ID3: variants seen among roughly 807,000 people sequenced by gnomAD.
ID3 encodes inhibitor of DNA binding 3, also known as DNA-binding protein inhibitor ID-3.
ID3 carries 4 observed loss-of-function variants against 9.6 expected under a neutral mutation model. The ratio of observed to expected loss-of-function variants is 0.42; its 90% confidence interval spans 0.21 to 0.96. The LOEUF is 0.96. Ranked by LOEUF, ID3 falls within the 40% of genes least tolerant of loss-of-function variation. The pLI is 0.30. For synonymous variants in ID3, 108 were observed against 75.2 expected (o/e 1.44, Z -2.26); for missense variants, 191 against 164.5 (o/e 1.16, Z -0.88).
At position 23,559,362 on chromosome 1, in the gene ID3, A is replaced by G. The variant is rs41268121; in HGVS notation, c.65T>C (p.Leu22Pro). The change falls in exon 1 of 3, where the codon CTG (leucine) becomes CCG (proline). Residue 22 changes from leucine to proline, a missense_variant. Coordinates refer to ENST00000374561, the MANE Select transcript of ID3 (RefSeq NM_002167.5). ...CTTCCCTCGGCCCCGGGCGATGGCC[A>G]GACTGCGTTCCGACAGGCAGCACAC... The part of the protein sequence containing the change: ...EAVCCLSERS[L>P]AIARGRGKGP... 1.3e-3 allele frequency: 2,127 copies of G among 1,613,274 alleles called. 2 individuals are homozygous for G. Among genetic ancestry groups the G allele is most frequent in the Non-Finnish European group, 1.7e-3 (2,034 of 1,180,006 alleles).
At position 23,559,226 on chromosome 1, in the gene ID3, C is replaced by A; in HGVS notation, c.201G>T (p.Val67=). The change falls in exon 1 of 3, where the codon GTG becomes GTT. Residue 67 remains valine (V), a synonymous_variant. Transcript: ENST00000374561. Reference sequence around the variant, plus strand: ...AGTCGATGACGCGCTGTAGGATTTCCACCTGGCTAAGCTGAGTGCCTCTCG... The same window carrying A: ...AGTCGATGACGCGCTGTAGGATTTCAACCTGGCTAAGCTGAGTGCCTCTCG... ...GVPRGTQLSQ[V]EILQRVIDYI... 1 of 1,614,226 alleles carries A rather than the reference C, an allele frequency of 6.2e-7. No homozygotes were observed. Among genetic ancestry groups the A allele is most frequent in the Non-Finnish European group, 8.5e-7 (1 of 1,180,050 alleles).
Position 23,559,352 on chromosome 1 carries a change from G to A in ID3, c.75C>T (p.Ala25=), listed in dbSNP as rs1473911828. 1.9e-6 allele frequency: 3 copies of A among 1,613,336 alleles called. No individual in the cohort carries two copies. The highest frequency in any genetic ancestry group is 2.2e-5 in the East Asian group (1 of 44,880). ...CCLSERSLAI[A]RGRGKGPAAE... ...CTGCCGGGCCCTTCCCTCGGCCCCG[G>A]GCGATGGCCAGACTGCGTTCCGACA... Residue 25 remains alanine (A), a synonymous_variant, in exon 1 of 3, where the codon GCC becomes GCT. Transcript: ENST00000374561.
intron 2 of ID3, 96 bp downstream of exon 2, chr1:23,558,839 G>A (rs546649146): frequency 3.9e-5 from 30 of 762,594 alleles, no homozygotes; most frequent in Admixed American, 6.7e-5. Context: ...TCTGGCCTCA[G>A]TTTCCCTAAA....
chr1:23,559,016 C>G lies in ID3; in HGVS notation c.304G>C (p.Ala102Pro), dbSNP rs1182085453. 6.2e-7 allele frequency: 1 copy of G among 1,614,146 alleles called. No individual in the cohort carries two copies. The highest frequency in any genetic ancestry group is 2.2e-5 in the East Asian group (1 of 44,880). ...ATGACAAGTTCCGGAGTGAGCTCGG[C>G]TGTCTGATTAGAGGAAAAGAGGGAA... ...PDGPHLPIQT[A>P]ELTPELVISN... Residue 102 changes from alanine to proline, a missense_variant, in exon 2 of 3, where the codon GCC becomes CCC. Physicochemically the swap from Ala to Pro is conservative, Grantham distance 27 (BLOSUM62 -1). Transcript: ENST00000374561.
chr1:23,558,737 G>C (rs558054114), intron 2 of ID3, 198 bp downstream of exon 2: 1 of 572,086 alleles, frequency 1.7e-6, no homozygotes. Context: ...GGGAGGGCAG[G>C]GCCCAGGCGC....
chr1:23,558,559 C>G (rs756675647), intron 2 of ID3, 144 bp from the exon 3 acceptor site: 18 of 186,304 alleles, frequency 9.7e-5, no homozygotes, highest in Non-Finnish European at 1.7e-4. Flanking sequence ...ACGCTGCCCC[C>G]ACCCAGTTGG....
At position 23,559,337 on chromosome 1, in the gene ID3, C is replaced by G. The variant is rs1643689983; in HGVS notation, c.90G>C (p.Lys30Asn). 6.2e-7 allele frequency: 1 copy of G among 1,613,558 alleles called. No homozygotes were observed. The highest frequency in any genetic ancestry group is 8.5e-7 in the Non-Finnish European group (1 of 1,180,036). Reference sequence around the variant, plus strand: ...TCAGCGGCTCCTCAGCTGCCGGGCCCTTCCCTCGGCCCCGGGCGATGGCCA... The same window carrying G: ...TCAGCGGCTCCTCAGCTGCCGGGCCGTTCCCTCGGCCCCGGGCGATGGCCA... ...RSLAIARGRG[K>N]GPAAEEPLSL... Residue 30 changes from lysine to asparagine, a missense_variant, in exon 1 of 3, where the codon AAG becomes AAC. Transcript: ENST00000374561.
rs1340899116 is a variant in ID3 at position 23,559,289 on chromosome 1, G to A, written c.138C>T (p.His46=). ...CCAGTTCCCGCAGGCGGGAGTAGCA[G>A]TGGTTCATGTCGTCCAGCAAGCTCA... ...EPLSLLDDMN[H]CYSRLRELVP... is the part of the protein sequence containing the mutation. Residue 46 remains histidine (H), a synonymous_variant, in exon 1 of 3, where the codon CAC becomes CAT. Transcript: ENST00000374561. 6.2e-7 allele frequency: 1 copy of A among 1,614,096 alleles called. No individual in the cohort carries two copies. Among genetic ancestry groups the A allele is most frequent in the Admixed American group, 1.7e-5 (1 of 60,030 alleles).
Position 23,558,898 on chromosome 1 carries a change from CGTTTAAACCTCCCTCTCCAAGA to C in ID3, c.*25+15_*25+36del. 3 of 1,437,722 alleles carry C rather than the reference CGTTTAAACCTCCCTCTCCAAGA, an allele frequency of 2.1e-6. No homozygotes were observed. Among genetic ancestry groups the C allele is most frequent in the South Asian group, 2.4e-5 (2 of 84,840 alleles). 89.1% of individuals were successfully genotyped at this position (1,437,722 alleles called of 1,614,324 possible). ...AACGTCTGCCAACTCCAGGACTTGC[CGTTTAAACCTCCCTCTCCAAGA>C]GAGGAGATACTCACCTGGAGGTGTC... On this transcript the variant is annotated intron_variant, in intron 2 of 2. Transcript: ENST00000374561.
Position 23,559,168 on chromosome 1 carries a change from G to C in ID3, c.259C>G (p.Pro87Ala). The C allele has an allele frequency of 6.2e-7, 1 of 1,614,228 alleles. No individual in the cohort carries two copies. Among genetic ancestry groups the C allele is most frequent in the East Asian group, 2.2e-5 (1 of 44,886 alleles). The change falls in exon 1 of 3, where the codon CCA becomes GCA. Residue 87 changes from proline (P) to alanine (A), a missense_variant. Pro to Ala is a conservative substitution (Grantham distance 27). Coordinates refer to ENST00000374561, the MANE Select transcript of ID3 (RefSeq NM_002167.5). Reference sequence around the variant, plus strand: ...GGGCCATCAGGGGGTCCAGGGGCTGGCTCGGCCAGGACTACCTGCAGGTCG... The same window carrying C: ...GGGCCATCAGGGGGTCCAGGGGCTGCCTCGGCCAGGACTACCTGCAGGTCG... ...ILDLQVVLAE[P>A]APGPPDGPHL...
Position 23,559,369 on chromosome 1 carries a change from G to A in ID3, c.58C>T (p.Arg20Cys), listed in dbSNP as rs201697476. The change falls in exon 1 of 3, where the codon CGC becomes TGC. Residue 20 changes from arginine to cysteine, a missense_variant. Transcript: ENST00000374561. ...CYEAVCCLSE[R>C]SLAIARGRGK... ...CGGCCCCGGGCGATGGCCAGACTGC[G>A]TTCCGACAGGCAGCACACCGCCTCG... 28 of 1,613,100 alleles carry A rather than the reference G, an allele frequency of 1.7e-5. No homozygotes were observed. Among genetic ancestry groups the A allele is most frequent in the African/African-American group, 2.7e-5 (2 of 74,928 alleles).
chr1:23,558,330 C>T lies in ID3; in HGVS notation c.*111G>A, dbSNP rs151237074. On this transcript the variant is annotated 3_prime_UTR_variant, in exon 3 of 3. Transcript: ENST00000374561. ...ATTTGGTGAAGTCAAGTGGGCAGGG[C>T]GAAGTTGGGGCCCATCCCTGCCGTC... 3.3e-4 allele frequency: 50 copies of T among 152,898 alleles called. 1 individual carries two copies. The East Asian group carries it at 7.9e-3, about 24-fold the overall frequency. 9.5% of individuals were successfully genotyped at this position (152,898 alleles called of 1,614,324 possible). A position where few individuals can be genotyped will look rare whatever the true frequency, so the allele number is the denominator to read the frequency against.
In ID3 at chr1:23,558,919, G is replaced by C. The variant is rs780663887; in HGVS notation, c.*25+16C>G. 2.5e-6 allele frequency: 4 copies of C among 1,570,486 alleles called. No homozygotes were observed. In the South Asian group the frequency reaches 4.5e-5, roughly 18 times the overall value. On this transcript the variant is annotated intron_variant, in intron 2 of 2. Coordinates refer to ENST00000374561, the MANE Select transcript of ID3 (RefSeq NM_002167.5). ...TTGCCGTTTAAACCTCCCTCTCCAA[G>C]AGAGGAGATACTCACCTGGAGGTGT... is the stretch of plus-strand genomic sequence containing the variant.
Position 23,559,237 on chromosome 1 carries a change from G to A in ID3, c.190C>T (p.Leu64Phe), listed in dbSNP as rs1055074154. ...LVPGVPRGTQLSQVEILQRVI... is the reference protein window; with the variant it reads ...LVPGVPRGTQFSQVEILQRVI... ...CGCTGTAGGATTTCCACCTGGCTAA[G>A]CTGAGTGCCTCTCGGGACTCCGGGT... is the stretch of plus-strand genomic sequence containing the variant. The change falls in exon 1 of 3, where the codon CTT (leucine) becomes TTT (phenylalanine). Residue 64 changes from leucine (L) to phenylalanine (F), a missense_variant. Transcript: ENST00000374561. 5 of 1,614,214 alleles carry A rather than the reference G, an allele frequency of 3.1e-6. No individual in the cohort carries two copies. In the Admixed American group the frequency reaches 5.0e-5, roughly 16 times the overall value.
intron 1 of ID3, 30 bp downstream of exon 1, chr1:23,559,097 G>A (rs745635184): frequency 2.0e-5 from 33 of 1,613,022 alleles, no homozygotes; most frequent in Non-Finnish European, 2.2e-5. Flanking sequence ...TTGCCTGGGT[G>A]TTCAGCCCTG....
In ID3 at chr1:23,558,953, G is replaced by A. The variant is rs751541741; in HGVS notation, c.*7C>T. The A allele has an allele frequency of 2.4e-5, 39 of 1,613,216 alleles. No individual in the cohort carries two copies. The highest frequency in any genetic ancestry group is 7.7e-5 in the South Asian group (7 of 90,944). ...TACTCACCTGGAGGTGTCAGGACAC[G>A]GCCGAGTCAGTGGCAAAAGCTCCTT... is the stretch of plus-strand genomic sequence containing the variant. On this transcript the variant is annotated 3_prime_UTR_variant, in exon 2 of 3. Coordinates refer to ENST00000374561, the MANE Select transcript of ID3 (RefSeq NM_002167.5).
At position 23,558,994 on chromosome 1, in the gene ID3, A is replaced by G. The variant is rs565899253; in HGVS notation, c.326T>C (p.Val109Ala). The change falls in exon 2 of 3, where the codon GTC becomes GCC. Residue 109 changes from valine to alanine, a missense_variant. Physicochemically the swap from Val to Ala is moderately conservative, Grantham distance 64 (BLOSUM62 0). Coordinates refer to ENST00000374561, the MANE Select transcript of ID3 (RefSeq NM_002167.5). Reference protein sequence around the residue: ...IQTAELTPELVISNDKRSFCH With the variant: ...IQTAELTPELAISNDKRSFCH ...AAAGCTCCTTTTGTCGTTGGAGATG[A>G]CAAGTTCCGGAGTGAGCTCGGCTGT... 3.1e-6 allele frequency: 5 copies of G among 1,614,186 alleles called. No individual in the cohort carries two copies. In the African/African-American group the frequency reaches 6.7e-5, roughly 22 times the overall value.
intron 2 of ID3, 191 bp from the exon 3 acceptor site, chr1:23,558,606 C>T (rs895203418): frequency 5.8e-5 from 13 of 223,356 alleles, no homozygotes; most frequent in Non-Finnish European, 1.1e-4. Flanking sequence ...GCTACCCCTC[C>T]TACTTGGAAT....
chr1:23,558,934 C>A lies in ID3; in HGVS notation c.*25+1G>T, dbSNP rs1160910874. 1 of 1,606,062 alleles carries A rather than the reference C, an allele frequency of 6.2e-7. No homozygotes were observed. Among genetic ancestry groups the A allele is most frequent in the Admixed American group, 1.7e-5 (1 of 59,746 alleles). ...CCCTCTCCAAGAGAGGAGATACTCA[C>A]CTGGAGGTGTCAGGACACGGCCGAG... On this transcript the variant is annotated splice_donor_variant, in intron 2 of 2. Coordinates refer to ENST00000374561, the MANE Select transcript of ID3 (RefSeq NM_002167.5). LOFTEE classifies it low-confidence loss of function (3UTR_SPLICE).
Sources: gnomAD v4.1 joint callset for allele counts on GRCh38, gnomAD v4.1.1 for gene constraint, MANE v1.5 for transcripts, NCBI Gene and HGNC (gene_info 2026-07-23, HGNC 2026-07-21) for gene names.